PRUNE2: variants seen among roughly 807,000 people sequenced by gnomAD.
PRUNE2 encodes the protein protein prune homolog 2.
Under a neutral mutation model 252.0 loss-of-function variants are expected in PRUNE2, and 164 were observed. The ratio of observed to expected loss-of-function variants is 0.65; its 90% CI spans 0.57 to 0.74. The LOEUF (loss-of-function observed/expected upper bound fraction) is 0.74, where lower values mean the gene tolerates loss of function less well. PRUNE2 is among the 30% of genes least tolerant of loss of function. PRUNE2 has a pLI of 0.00. For missense variants in PRUNE2, 3,495 were observed against 3,711.0 expected (o/e 0.94, Z 1.51); for synonymous variants, 1,292 against 1,350.2 (o/e 0.96, Z 0.94).
At chr9:76,856,704 C>T (rs1376565018) in intron 1 of PRUNE2, 4 of 201,196 alleles carry the variant, frequency 2.0e-5, no homozygotes, top group Non-Finnish European at 4.0e-5. Flanking sequence ...TAGCATACCC[C>T]ACTGCAAAAT....
intron 6 of PRUNE2, chr9:76,737,834 T>C (rs2049214281): frequency 1.3e-5 from 2 of 152,254 alleles, no homozygotes; most frequent in Admixed American, 1.3e-4. Flanking sequence ...AATATCTGAT[T>C]TATTTAACTC....
At chr9:76,668,038 TATTTA>T (rs2040535857) in intron 9 of PRUNE2, among the ~76,000 whole-genome samples, 1 of 152,198 alleles carries the variant, frequency 6.6e-6, no homozygotes, top group Admixed American at 6.5e-5. Flanking sequence ...GTTGAATATA[TATTTA>T]AAACTGTGAA....
intron 1 of PRUNE2, among the ~76,000 whole-genome samples, chr9:76,877,116 G>C (rs997470076): frequency 6.6e-6 from 1 of 151,984 alleles, no homozygotes; most frequent in Non-Finnish European, 1.5e-5. Context: ...AAGCTTTAAT[G>C]CTCTAGAACA....
intron 9 of PRUNE2, among the ~76,000 whole-genome samples, chr9:76,662,132 T>C (rs1027253433): frequency 6.6e-6 from 1 of 152,194 alleles, no homozygotes; most frequent in African/African-American, 2.4e-5. Flanking sequence ...GTTCAGATTT[T>C]AGGAAATAAG....
intron 17 of PRUNE2, 68 bp from the exon 18 acceptor site, chr9:76,619,455 G>C: frequency 9.1e-7 from 1 of 1,099,792 alleles, no homozygotes; most frequent in Non-Finnish European, 1.4e-6. Context: ...AAGCACAACA[G>C]ATTTGAGGCA....
intron 6 of PRUNE2, among the ~76,000 whole-genome samples, chr9:76,723,048 T>A (rs2047781281): frequency 6.6e-6 from 1 of 152,232 alleles, no homozygotes; most frequent in Non-Finnish European, 1.5e-5. Context: ...GCTTACGTCT[T>A]TTGAAGATCG....
At chr9:76,638,941 A>G (rs189910429) in intron 12 of PRUNE2, among the ~76,000 whole-genome samples, 273 of 152,244 alleles carry the variant, frequency 1.8e-3, no homozygotes, top group Non-Finnish European at 3.2e-3. Flanking sequence ...TCTGTCCAAT[A>G]TTTTACTACC....
In PRUNE2 at chr9:76,633,777, C is replaced by T. The variant is rs140492210; in HGVS notation, c.9050+2694G>A. On this transcript the variant is annotated intron_variant, in intron 15 of 18. Coordinates refer to ENST00000376718, the MANE Select transcript of PRUNE2 (RefSeq NM_015225.3). ...CTGCTTTAGACAATTTATTTGACCT[C>T]CCTGAACCTCAGCAGTTTTTCCTAT... 2.0e-4 allele frequency among the ~76,000 whole-genome samples: 30 copies of T among 152,150 alleles called. No individual in the cohort carries two copies. In the East Asian group the frequency reaches 2.9e-3, roughly 15 times the overall value.
chr9:76,724,574 C>T (rs2047944486), intron 6 of PRUNE2, among the ~76,000 whole-genome samples: 1 of 152,044 alleles, frequency 6.6e-6, no homozygotes, highest in Non-Finnish European at 1.5e-5. Flanking sequence ...TTTTTCCATC[C>T]CATCCTATCT....
At chr9:76,626,392 T>C (rs542373327) in intron 16 of PRUNE2, among the ~76,000 whole-genome samples, 2 of 152,340 alleles carry the variant, frequency 1.3e-5, no homozygotes, top group South Asian at 4.1e-4. Context: ...AAAGGAGCCA[T>C]GGCTCGTATC....
chr9:76,785,961 A>C (rs2054932189), intron 6 of PRUNE2: 2 of 152,204 alleles, frequency 1.3e-5, no homozygotes, highest in African/African-American at 4.8e-5. Flanking sequence ...CAACCACAAT[A>C]TGCATAAATC....
chr9:76,832,406 G>A (rs181644872), intron 4 of PRUNE2, among the ~76,000 whole-genome samples: 949 of 152,190 alleles, frequency 6.2e-3, no homozygotes, highest in Non-Finnish European at 0.011. Flanking sequence ...CCACTATAGA[G>A]TTATAGTCTG....
At chr9:76,813,137 T>C (rs1000777172) in intron 6 of PRUNE2, among the ~76,000 whole-genome samples, 10 of 152,208 alleles carry the variant, frequency 6.6e-5, no homozygotes, top group African/African-American at 1.7e-4. Context: ...AAATTGGCCA[T>C]GGTAAGAGCA....
intron 6 of PRUNE2, among the ~76,000 whole-genome samples, chr9:76,813,601 A>G (rs1239397251): frequency 1.3e-5 from 2 of 152,176 alleles, no homozygotes; most frequent in Non-Finnish European, 2.9e-5. Context: ...GTTCAAGCAT[A>G]TTTCTTCATT....
At chr9:76,713,513 C>A in intron 7 of PRUNE2, 50 bp downstream of exon 7, 2 of 1,508,184 alleles carry the variant, frequency 1.3e-6, no homozygotes, top group South Asian at 1.3e-5. Flanking sequence ...GTTCTGAGAG[C>A]CAGCAGGTTA....
At chr9:76,897,363 T>G (rs1310275147) in intron 1 of PRUNE2, among the ~76,000 whole-genome samples, 1 of 150,700 alleles carries the variant, frequency 6.6e-6, no homozygotes, top group Non-Finnish European at 1.5e-5. Flanking sequence ...CTCTACTCTT[T>G]GTGGCTATGC....
At chr9:76,788,672 A>G (rs2055263770) in intron 6 of PRUNE2, 1 of 598,646 alleles carries the variant, frequency 1.7e-6, no homozygotes, top group East Asian at 2.8e-5. Context: ...CAATTTGACA[A>G]TGAAGACAAC....
At chr9:76,870,836 A>C (rs577894013) in intron 1 of PRUNE2, among the ~76,000 whole-genome samples, 13 of 152,288 alleles carry the variant, frequency 8.5e-5, no homozygotes, top group African/African-American at 2.9e-4. Flanking sequence ...ATAACTGAAG[A>C]CAGAAACCTA....
chr9:76,623,854 A>G (rs1442375705), intron 17 of PRUNE2, among the ~76,000 whole-genome samples: 2 of 152,258 alleles, frequency 1.3e-5, no homozygotes, highest in Non-Finnish European at 2.9e-5. Context: ...TTAGTTGAAT[A>G]AAATCATTGG....
Sources: gnomAD v4.1 joint callset for allele counts (sites outside exome capture counted in the v4.1 genomes callset) on GRCh38, gnomAD v4.1.1 for gene constraint, MANE v1.5 for transcripts, NCBI Gene and HGNC (gene_info 2026-07-23, HGNC 2026-07-21) for gene names.